The following SASH1 variants were observed in gnomAD, a reference collection of about 807,000 sequenced individuals.
The protein encoded by SASH1 is SAM and SH3 domain-containing protein 1.
Under a neutral mutation model 125.2 loss-of-function variants are expected in SASH1, and 44 were observed. The observed-to-expected ratio is 0.35, with a 90% CI of 0.28 to 0.45. The LOEUF (loss-of-function observed/expected upper bound fraction) is 0.45. Among genes scored for constraint, SASH1 ranks in the 20% least tolerant of loss-of-function variants. SASH1 has a pLI of 1.00. For synonymous variants in SASH1, 639 were observed against 649.1 expected (o/e 0.98, Z 0.24); for missense variants, 1,426 against 1,614.5 (o/e 0.88, Z 2.00).
chr6:148,399,217 T>C lies in SASH1; in HGVS notation c.285+8955T>C, dbSNP rs1024999751. ...TGTGCATCAACAATTTCAGCTTCTT[T>C]TTTTTTTTTTTTTTTTTTTTTTTGA... On this transcript the variant is annotated intron_variant, in intron 2 of 19. Transcript: ENST00000367467. Among the ~76,000 whole-genome samples, 21 of 55,558 alleles carry C rather than the reference T, an allele frequency of 3.8e-4. No individual in the cohort carries two copies. In the South Asian group the frequency reaches 4.9e-3, roughly 13 times the overall value. The allele number at this position is 55,558 out of a possible 152,430, so 36.4% of individuals were successfully genotyped here.
intron 16 of SASH1, among the ~76,000 whole-genome samples, chr6:148,537,966 C>T (rs1169942050): frequency 1.3e-5 from 2 of 152,088 alleles, no homozygotes; most frequent in Non-Finnish European, 1.5e-5. Context: ...GAATTTTCAG[C>T]GTTCTAGCTT....
intron 1 of SASH1, among the ~76,000 whole-genome samples, chr6:148,387,117 C>CTT (rs34236225): frequency 7.1e-4 from 77 of 108,966 alleles, no homozygotes; most frequent in African/African-American, 2.6e-3. Context: ...TCTTTCTTTT[C>CTT]TTTTTTTTTT....
chr6:148,281,493 G>C (rs890643343), intron 1 of SASH1, among the ~76,000 whole-genome samples: 3 of 152,184 alleles, frequency 2.0e-5, no homozygotes, highest in African/African-American at 7.2e-5. Flanking sequence ...AGGGCTCCAG[G>C]AGGCATGTCT....
chr6:148,360,808 T>C (rs927178767), intron 1 of SASH1, among the ~76,000 whole-genome samples: 1 of 152,244 alleles, frequency 6.6e-6, no homozygotes, highest in Non-Finnish European at 1.5e-5. Flanking sequence ...ACTCATTTAA[T>C]TGTTACAGTG....
At chr6:148,250,122 C>T in the SASH1 span, among the ~76,000 whole-genome samples, 1 of 152,294 alleles carries the variant, frequency 6.6e-6, no homozygotes, top group Non-Finnish European at 1.5e-5. Context: ...CAGTCACTTA[C>T]AGTCTCTGCC....
upstream of SASH1, among the ~76,000 whole-genome samples, chr6:148,341,456 A>C (rs1781324550): frequency 6.6e-6 from 1 of 151,144 alleles, no homozygotes. Context: ...TACAGGCGCC[A>C]GCCCCGCACC....
chr6:148,481,262 G>T (rs535122318), intron 7 of SASH1, among the ~76,000 whole-genome samples: 2 of 152,096 alleles, frequency 1.3e-5, no homozygotes, highest in African/African-American at 4.8e-5. Flanking sequence ...TGGATTCGGC[G>T]TTGGCTTACG....
the SASH1 span, among the ~76,000 whole-genome samples, chr6:148,216,119 A>G: frequency 5.7e-4 from 87 of 152,242 alleles, no homozygotes; most frequent in African/African-American, 1.5e-3. Context: ...TCGGCCTCCC[A>G]AATTGTCCTA....
the SASH1 span, among the ~76,000 whole-genome samples, chr6:148,265,574 C>T: frequency 5.3e-5 from 8 of 152,042 alleles, no homozygotes; most frequent in African/African-American, 1.9e-4. Context: ...ATACTGAGAC[C>T]ACAAAAAAAT....
chr6:148,299,671 G>GAAAAAAAAAA lies in SASH1; in HGVS notation n.74+27299_74+27308dup, dbSNP rs57758957. Among the ~76,000 whole-genome samples, 308 of 114,920 alleles carry GAAAAAAAAAA rather than the reference G, an allele frequency of 2.7e-3. 4 individuals carry two copies. The highest frequency in any genetic ancestry group is 9.3e-3 in the African/African-American group (289 of 30,956). 75.4% of individuals were successfully genotyped at this position (114,920 alleles called of 152,430 possible). On this transcript the variant is annotated intron_variant and non_coding_transcript_variant, in intron 1 of 3. Coordinates refer to the SASH1 transcript ENST00000367469. Reference sequence around the variant, plus strand: ...ATGGAAGCAAGACTCCACCTCAAAAGAAAAAAAAAAAAAAGGCCTTTCAGG... The same window carrying GAAAAAAAAAA: ...ATGGAAGCAAGACTCCACCTCAAAAGAAAAAAAAAAAAAAAAAAAAAAAAGGCCTTTCAGG...
At chr6:148,477,646 G>A (rs975368300) in intron 7 of SASH1, among the ~76,000 whole-genome samples, 10 of 150,852 alleles carry the variant, frequency 6.6e-5, no homozygotes, top group South Asian at 2.1e-4. Flanking sequence ...CTGCATCGGC[G>A]TCCCGAATAG....
the SASH1 span, among the ~76,000 whole-genome samples, chr6:148,242,817 G>C: frequency 6.6e-6 from 1 of 152,068 alleles, no homozygotes; most frequent in Non-Finnish European, 1.5e-5. Flanking sequence ...TTTTCTCTAT[G>C]AACTAGCCCA....
At chr6:148,206,975 C>A in the SASH1 span, among the ~76,000 whole-genome samples, 3 of 152,044 alleles carry the variant, frequency 2.0e-5, no homozygotes, top group Non-Finnish European at 4.4e-5. Flanking sequence ...ACAAATGTGC[C>A]CCCTCTGTTC....
chr6:148,210,592 C>T, the SASH1 span, among the ~76,000 whole-genome samples: 18 of 152,168 alleles, frequency 1.2e-4, no homozygotes, highest in African/African-American at 4.1e-4. Flanking sequence ...AGTTACAAGT[C>T]ATTTGGTTTT....
In SASH1 at chr6:148,464,388, A is replaced by G. The variant is rs144208130; in HGVS notation, c.387-4157A>G. 3.9e-3 allele frequency among the ~76,000 whole-genome samples: 596 copies of G among 152,334 alleles called. 6 individuals are homozygous for G. Among genetic ancestry groups the G allele is most frequent in the African/African-American group, 0.014 (568 of 41,580 alleles). On this transcript the variant is annotated intron_variant, in intron 4 of 19. Transcript: ENST00000367467. ...ATTAATTATTGCTTCCTGGTCATCA[A>G]AATCCATGCTGAAGTTACCATACTT... is the stretch of plus-strand genomic sequence containing the variant.
At chr6:148,483,501 G>T (rs1409377605) in intron 7 of SASH1, among the ~76,000 whole-genome samples, 2 of 152,188 alleles carry the variant, frequency 1.3e-5, no homozygotes, top group Non-Finnish European at 2.9e-5. Context: ...GCTTTTAAGA[G>T]AAACCTCTAA....
the SASH1 span, among the ~76,000 whole-genome samples, chr6:148,258,515 A>C: frequency 6.6e-6 from 1 of 152,194 alleles, no homozygotes; most frequent in Non-Finnish European, 1.5e-5. Context: ...TGCAGAGGTA[A>C]TAGCAGTGGA....
intron 4 of SASH1, among the ~76,000 whole-genome samples, chr6:148,448,858 C>T (rs1423416016): frequency 6.6e-6 from 1 of 152,136 alleles, no homozygotes; most frequent in Non-Finnish European, 1.5e-5. Flanking sequence ...TAACTACCTG[C>T]TCTTTGTCCA....
intron 11 of SASH1, among the ~76,000 whole-genome samples, chr6:148,526,399 A>T (rs199906010): frequency 8.5e-5 from 13 of 152,070 alleles, no homozygotes; most frequent in African/African-American, 2.9e-4. Flanking sequence ...TGTCCTTTGC[A>T]TTGTGTCATA....
Sources: gnomAD v4.1 joint callset for allele counts (sites outside exome capture counted in the v4.1 genomes callset) on GRCh38, gnomAD v4.1.1 for gene constraint, MANE v1.5 for transcripts, NCBI Gene and HGNC (gene_info 2026-07-23, HGNC 2026-07-21) for gene names.